Variants in RBFOX1 observed in about 807,000 individuals in gnomAD.
RBFOX1 encodes RNA binding protein fox-1 homolog 1.
In RBFOX1, 8 loss-of-function variants were observed where a neutral mutation model predicts 57.7. That is an observed-to-expected ratio of 0.14 (90% CI 0.08 to 0.25). The LOEUF is 0.25. Ranked by LOEUF, RBFOX1 falls within the 10% of genes least tolerant of loss-of-function variation. RBFOX1 has a pLI of 1.00. For missense variants in RBFOX1, 611 were observed against 548.5 expected, an observed-to-expected ratio of 1.11 and a Z score of -1.14; for synonymous variants, 326 against 222.4, an observed-to-expected ratio of 1.47 and a Z score of -4.15.
rs1175074968 is a variant in RBFOX1 at position 6,114,146 on chromosome 16, T to C, written c.-127+94154T>C. Among the ~76,000 whole-genome samples the C allele has an allele frequency of 2.0e-5, 3 of 152,234 alleles. No homozygotes were observed. The South Asian group carries it at 6.2e-4, about 32-fold the overall frequency. The stretch of plus-strand genomic sequence containing the variant: ...TCACAAAGAAAAAAGTTTTGTGTTA[T>C]TACAGAATGATCTGATTTTAGCAAT... On this transcript the variant is annotated intron_variant, in intron 1 of 15. Transcript: ENST00000550418.
chr16:6,295,110 T>TGTTTG (rs113822411), intron 1 of RBFOX1, among the ~76,000 whole-genome samples: 31,521 of 145,328 alleles, frequency 0.22, 3,746 homozygotes, highest in South Asian at 0.26. Context: ...TTTTTTTTTT[T>TGTTTG]TTTTTTTTTT....
rs1396722672 is a variant in RBFOX1 at position 6,780,450 on chromosome 16, ACATT to A, written c.-16+125801_-16+125804del. Among the ~76,000 whole-genome samples, 477 of 94,442 alleles carry A rather than the reference ACATT, an allele frequency of 5.1e-3. 2 individuals carry two copies. Among genetic ancestry groups the A allele is most frequent in the African/African-American group, 8.5e-3 (186 of 21,774 alleles). 62.0% of individuals were successfully genotyped at this position (94,442 alleles called of 152,430 possible). A position where few individuals can be genotyped will look rare whatever the true frequency, so the allele number is the denominator to read the frequency against. ...TATATTTATAGATATATTTATATAT[ACATT>A]TTTATATATATTTATATACATTTTT... is the stretch of plus-strand genomic sequence containing the variant. On this transcript the variant is annotated intron_variant, in intron 3 of 15. Coordinates refer to ENST00000550418, the MANE Select transcript of RBFOX1 (RefSeq NM_018723.4).
chr16:5,767,618 C>G (rs2053832947), intron 3 of RBFOX1, among the ~76,000 whole-genome samples: 6 of 152,150 alleles, frequency 3.9e-5, no homozygotes, highest in Admixed American at 3.9e-4. Flanking sequence ...CTTCCAAGGA[C>G]ACAACGGGAT....
At chr16:6,067,722 G>A (rs949270153) in intron 1 of RBFOX1, among the ~76,000 whole-genome samples, 29 of 152,284 alleles carry the variant, frequency 1.9e-4, no homozygotes, top group South Asian at 8.3e-4. Context: ...ATTTGAGGAA[G>A]AGCTGTTACT....
chr16:7,298,957 G>A (rs2095965037), intron 4 of RBFOX1, among the ~76,000 whole-genome samples: 2 of 152,156 alleles, frequency 1.3e-5, no homozygotes, highest in South Asian at 2.1e-4. Context: ...TGTTGTTCAC[G>A]AGTCAACTGT....
intron 1 of RBFOX1, among the ~76,000 whole-genome samples, chr16:5,243,269 C>G (rs573388784): frequency 6.6e-6 from 1 of 152,288 alleles, no homozygotes; most frequent in African/African-American, 2.4e-5. Context: ...TCTGTGTTGT[C>G]AGGTGGAACC....
At position 5,833,883 on chromosome 16, in the gene RBFOX1, C is replaced by A. The variant is rs146069442; in HGVS notation, c.319-33420C>A. On this transcript the variant is annotated intron_variant, in intron 3 of 19. Coordinates refer to the RBFOX1 transcript ENST00000641259. Reference sequence around the variant, plus strand: ...TACTATTTGGAAGCAATAAAGAATTCGTGCATATACTACTCTCCCTCTCCA... The same window carrying A: ...TACTATTTGGAAGCAATAAAGAATTAGTGCATATACTACTCTCCCTCTCCA... Among the ~76,000 whole-genome samples the A allele has an allele frequency of 8.6e-3, 1,307 of 152,244 alleles. 11 individuals are homozygous for A. The highest frequency in any genetic ancestry group is 0.031 in the Middle Eastern group (9 of 294).
intron 1 of RBFOX1, among the ~76,000 whole-genome samples, chr16:5,309,886 T>G (rs890656783): frequency 2.6e-5 from 4 of 152,318 alleles, no homozygotes; most frequent in African/African-American, 9.6e-5. Flanking sequence ...TCACAGGCAT[T>G]GTTCCTTGGG....
rs532352034 is a variant in RBFOX1 at position 5,890,329 on chromosome 16, G to A, written c.351+22994G>A. On this transcript the variant is annotated intron_variant, in intron 4 of 19. Coordinates refer to the RBFOX1 transcript ENST00000641259. ...CTGACTTTACCCTCCCCACCACGTA[G>A]TGAAGCTAGCGATAATTTCACAGCT... Among the ~76,000 whole-genome samples, 10 of 152,308 alleles carry A rather than the reference G, an allele frequency of 6.6e-5. No homozygotes were observed. The South Asian group carries it at 1.9e-3, about 28-fold the overall frequency.
chr16:7,441,268 C>G (rs1396205544), intron 4 of RBFOX1, among the ~76,000 whole-genome samples: 1 of 152,168 alleles, frequency 6.6e-6, no homozygotes, highest in Admixed American at 6.5e-5. Context: ...TAAGAACAAT[C>G]AGCATCAAAG....
At chr16:7,202,569 C>T (rs1030949854) in intron 4 of RBFOX1, among the ~76,000 whole-genome samples, 1 of 152,304 alleles carries the variant, frequency 6.6e-6, no homozygotes, top group Non-Finnish European at 1.5e-5. Flanking sequence ...AATTGGGCTG[C>T]AGTGGATGAG....
chr16:7,599,637 A>AGTTT (rs1568025531), intron 9 of RBFOX1, among the ~76,000 whole-genome samples: 1 of 44,620 alleles, frequency 2.2e-5, no homozygotes. Context: ...ATTAATAAAG[A>AGTTT]CTTTTTTTTT....
intron 3 of RBFOX1, among the ~76,000 whole-genome samples, chr16:6,947,288 A>C (rs1342261029): frequency 6.6e-6 from 1 of 152,150 alleles, no homozygotes; most frequent in Non-Finnish European, 1.5e-5. Flanking sequence ...TTTTGGAGTA[A>C]GGTCACCCTT....
At chr16:7,197,141 C>A (rs1455985592) in intron 4 of RBFOX1, among the ~76,000 whole-genome samples, 1 of 152,150 alleles carries the variant, frequency 6.6e-6, no homozygotes, top group Non-Finnish European at 1.5e-5. Context: ...TCCAATCTGT[C>A]CTTCATTCTA....
chr16:6,735,469 A>G (rs565038062), intron 3 of RBFOX1, among the ~76,000 whole-genome samples: 22 of 152,322 alleles, frequency 1.4e-4, no homozygotes, highest in African/African-American at 5.3e-4. Context: ...TCGGAGACTA[A>G]ATCTTCAGAG....
chr16:7,451,057 T>A (rs2098848150), intron 4 of RBFOX1, among the ~76,000 whole-genome samples: 1 of 152,098 alleles, frequency 6.6e-6, no homozygotes, highest in African/African-American at 2.4e-5. Flanking sequence ...TGGGAGTCCC[T>A]GAGTGACAAG....
At position 7,154,246 on chromosome 16, in the gene RBFOX1, G is replaced by C. The variant is rs1189738620; in HGVS notation, c.27+102148G>C. Among the ~76,000 whole-genome samples the C allele has an allele frequency of 2.6e-5, 4 of 152,172 alleles. No individual in the cohort carries two copies. The South Asian group carries it at 6.2e-4, about 24-fold the overall frequency. ...GCCTTGGAGGATCTTCATTCAGTCG[G>C]AGGAAGACATGGCAGAGATACTTAG... On this transcript the variant is annotated intron_variant, in intron 4 of 15. Coordinates refer to ENST00000550418, the MANE Select transcript of RBFOX1 (RefSeq NM_018723.4).
At chr16:6,889,668 T>C (rs1451216307) in intron 3 of RBFOX1, among the ~76,000 whole-genome samples, 3 of 152,172 alleles carry the variant, frequency 2.0e-5, no homozygotes, top group South Asian at 2.1e-4. Context: ...GCTTCCACCA[T>C]GTAGTCCAGC....
intron 13 of RBFOX1, among the ~76,000 whole-genome samples, chr16:7,675,059 G>A (rs1440054804): frequency 6.6e-6 from 1 of 152,144 alleles, no homozygotes; most frequent in Non-Finnish European, 1.5e-5. Context: ...TAAGCCTGTT[G>A]CAGCTAATGT....
Sources: allele counts gnomAD v4.1 joint callset (sites outside exome capture counted in the v4.1 genomes callset), GRCh38; gene constraint gnomAD v4.1.1; transcripts MANE v1.5; gene names NCBI Gene and HGNC (gene_info 2026-07-23, HGNC 2026-07-21).